ADAMTS19: variants seen among roughly 807,000 people sequenced by gnomAD.
ADAMTS19 encodes ADAM metallopeptidase with thrombospondin type 1 motif 19.
Under a neutral mutation model 153.3 loss-of-function variants are expected in ADAMTS19, and 93 were observed. The ratio of observed to expected loss-of-function variants is 0.61; its 90% CI spans 0.51 to 0.72. The LOEUF (loss-of-function observed/expected upper bound fraction) is 0.72, where lower values mean the gene tolerates loss of function less well. ADAMTS19 is among the 30% of genes least tolerant of loss of function. The probability of loss-of-function intolerance (pLI) is 0.00; values close to 1 mark genes in which losing one functional copy is unlikely to be tolerated. For missense variants in ADAMTS19, 1,482 were observed against 1,552.1 expected (o/e 0.95, Z 0.76); for synonymous variants, 600 against 556.6 (o/e 1.08, Z -1.10).
At chr5:129,597,634 C>T (rs1177131079) in intron 8 of ADAMTS19, among the ~76,000 whole-genome samples, 4 of 152,096 alleles carry the variant, frequency 2.6e-5, no homozygotes, top group South Asian at 2.1e-4. Flanking sequence ...AGACCTGGCA[C>T]GGTGGCTCAT....
chr5:129,683,122 A>G (rs976985824), intron 17 of ADAMTS19, among the ~76,000 whole-genome samples: 2 of 151,860 alleles, frequency 1.3e-5, no homozygotes, highest in Non-Finnish European at 2.9e-5. Context: ...ATAGATCCTC[A>G]GATCCATAGA....
chr5:129,727,189 G>A (rs1009869072), intron 21 of ADAMTS19, among the ~76,000 whole-genome samples: 1 of 152,158 alleles, frequency 6.6e-6, no homozygotes, highest in Non-Finnish European at 1.5e-5. Context: ...TACATGATCT[G>A]TCAGTAGGTT....
chr5:129,548,363 G>A (rs1301191200), intron 6 of ADAMTS19, among the ~76,000 whole-genome samples: 2 of 145,778 alleles, frequency 1.4e-5, no homozygotes, highest in African/African-American at 2.8e-5. Context: ...AAAAGTGGGT[G>A]AAGGATATGA....
chr5:129,697,797 T>C (rs1755629803), intron 19 of ADAMTS19, among the ~76,000 whole-genome samples: 1 of 152,282 alleles, frequency 6.6e-6, no homozygotes, highest in South Asian at 2.1e-4. Context: ...TCTTTTTCTC[T>C]ATCCCCTTTA....
intron 2 of ADAMTS19, among the ~76,000 whole-genome samples, chr5:129,493,215 C>T (rs1445611564): frequency 6.6e-6 from 1 of 152,088 alleles, no homozygotes; most frequent in Non-Finnish European, 1.5e-5. Context: ...TCATTTTTAT[C>T]AACTATATGT....
intron 10 of ADAMTS19, among the ~76,000 whole-genome samples, chr5:129,639,860 T>A (rs1432947852): frequency 1.3e-5 from 2 of 152,158 alleles, no homozygotes; most frequent in Non-Finnish European, 2.9e-5. Context: ...GTGAAATATT[T>A]TTAGAATCAA....
intron 17 of ADAMTS19, among the ~76,000 whole-genome samples, chr5:129,681,478 T>G (rs1485504418): frequency 6.6e-6 from 1 of 152,174 alleles, no homozygotes; most frequent in Non-Finnish European, 1.5e-5. Flanking sequence ...CAAAAGTGCT[T>G]TATGTTCATT....
intron 8 of ADAMTS19, among the ~76,000 whole-genome samples, chr5:129,604,653 A>G (rs1750807922): frequency 6.6e-6 from 1 of 152,222 alleles, no homozygotes; most frequent in African/African-American, 2.4e-5. Flanking sequence ...TAGTAATCTT[A>G]GTAAAGTATC....
At chr5:129,562,728 A>C (rs906652339) in intron 7 of ADAMTS19, among the ~76,000 whole-genome samples, 2 of 152,242 alleles carry the variant, frequency 1.3e-5, no homozygotes, top group African/African-American at 4.8e-5. Context: ...GGCAAAGATA[A>C]ATGCTGATTG....
At chr5:129,565,339 C>T (rs559407941) in intron 7 of ADAMTS19, among the ~76,000 whole-genome samples, 7 of 152,108 alleles carry the variant, frequency 4.6e-5, no homozygotes, top group African/African-American at 1.4e-4. Flanking sequence ...CAGATATATT[C>T]GATACACAGA....
At chr5:129,549,064 A>T (rs1448705871) in intron 6 of ADAMTS19, among the ~76,000 whole-genome samples, 1 of 148,032 alleles carries the variant, frequency 6.8e-6, no homozygotes, top group Non-Finnish European at 1.5e-5. Flanking sequence ...ATTAGGAGAT[A>T]TACCTAATGC....
At chr5:129,489,604 T>A (rs1750702113) in intron 2 of ADAMTS19, among the ~76,000 whole-genome samples, 1 of 152,162 alleles carries the variant, frequency 6.6e-6, no homozygotes. Context: ...AACAATTTTT[T>A]AAAATGTTCA....
intron 8 of ADAMTS19, among the ~76,000 whole-genome samples, chr5:129,608,112 G>GTATATATATATATATATATATATA (rs1219945367): frequency 6.3e-5 from 2 of 31,832 alleles, no homozygotes; most frequent in African/African-American, 1.3e-4. Flanking sequence ...GTGTGTGTGT[G>GTATATATATATATATATATATATA]TGTGTATATA....
At chr5:129,733,954 T>C (rs1162946731) in intron 21 of ADAMTS19, among the ~76,000 whole-genome samples, 1 of 7,094 alleles carries the variant, frequency 1.4e-4, no homozygotes. Flanking sequence ...CGTGTGTGTG[T>C]GTGTGTGTGT....
chr5:129,586,909 T>C (rs770286899), intron 7 of ADAMTS19, among the ~76,000 whole-genome samples: 8 of 152,188 alleles, frequency 5.3e-5, no homozygotes, highest in Non-Finnish European at 1.2e-4. Flanking sequence ...TGATTAATTC[T>C]CAAATAAAAA....
chr5:129,513,371 C>T (rs947415390), intron 3 of ADAMTS19, among the ~76,000 whole-genome samples: 2 of 151,698 alleles, frequency 1.3e-5, no homozygotes, highest in African/African-American at 4.8e-5. Flanking sequence ...AGTGGTGTAC[C>T]TATAGTCCTA....
At chr5:129,680,890 C>T (rs1581220491) in intron 17 of ADAMTS19, among the ~76,000 whole-genome samples, 1 of 152,102 alleles carries the variant, frequency 6.6e-6, no homozygotes, top group South Asian at 2.1e-4. Flanking sequence ...TTGATTATGG[C>T]AGTGCGTGCT....
chr5:129,538,479 T>A (rs1752539693), intron 6 of ADAMTS19, among the ~76,000 whole-genome samples: 1 of 152,126 alleles, frequency 6.6e-6, no homozygotes, highest in African/African-American at 2.4e-5. Context: ...ATTTTTTTAG[T>A]GTTAAAAACC....
At chr5:129,520,414 A>T (rs1751759116) in intron 3 of ADAMTS19, among the ~76,000 whole-genome samples, 2 of 152,176 alleles carry the variant, frequency 1.3e-5, no homozygotes, top group Admixed American at 1.3e-4. Flanking sequence ...TATTTACTGC[A>T]TGCCATACCC....
Sources: gnomAD v4.1 joint callset for allele counts (sites outside exome capture counted in the v4.1 genomes callset) on GRCh38, gnomAD v4.1.1 for gene constraint, MANE v1.5 for transcripts, NCBI Gene and HGNC (gene_info 2026-07-23, HGNC 2026-07-21) for gene names.